The following ZRANB3 variants were observed in gnomAD, a reference collection of about 807,000 sequenced individuals.
The protein encoded by ZRANB3 is DNA annealing helicase and endonuclease ZRANB3.
A neutral mutation model predicts 133.8 loss-of-function variants in ZRANB3; 125 were observed. The ratio of observed to expected loss-of-function variants is 0.93; its 90% CI spans 0.81 to 1.08. The LOEUF (loss-of-function observed/expected upper bound fraction) is 1.08. Ranked by LOEUF, ZRANB3 falls within the 50% of genes least tolerant of loss-of-function variation. The pLI, the probability that ZRANB3 is intolerant of heterozygous loss-of-function variation, is 0.00. For synonymous variants in ZRANB3, 387 were observed against 432.7 expected, an observed-to-expected ratio of 0.89 and a Z score of 1.31; for missense variants, 1,229 against 1,275.5, an observed-to-expected ratio of 0.96 and a Z score of 0.56.
chr2:135,290,225 T>C (rs889572162), intron 8 of ZRANB3, among the ~76,000 whole-genome samples: 4 of 152,222 alleles, frequency 2.6e-5, no homozygotes, highest in Admixed American at 2.0e-4. Context: ...TGTTGTGGTC[T>C]ATCTAACTTC....
At chr2:135,464,519 T>G (rs143961072) in intron 2 of ZRANB3, among the ~76,000 whole-genome samples, 2 of 152,278 alleles carry the variant, frequency 1.3e-5, no homozygotes, top group Admixed American at 1.3e-4. Context: ...ACAAAAAACC[T>G]TTAAAAAGTG....
intron 8 of ZRANB3, 110 bp from the exon 9 acceptor site, chr2:135,275,865 T>C: frequency 1.2e-6 from 1 of 837,440 alleles, no homozygotes. Context: ...AATATGAACT[T>C]TTAGCTGCAT....
rs546120774 is a variant in ZRANB3, at chr2:135,432,824, G to A, written c.162-42004C>T. On this transcript the variant is annotated intron_variant, in intron 2 of 20. Transcript: ENST00000264159. Reference sequence around the variant, plus strand: ...AGTTGAAGGGCTGTCTTAAATAGGAGGCCAATACTCTTCAGAGGCTAGCAG... The same window carrying A: ...AGTTGAAGGGCTGTCTTAAATAGGAAGCCAATACTCTTCAGAGGCTAGCAG... Among the ~76,000 whole-genome samples, 33 of 152,276 alleles carry A rather than the reference G, an allele frequency of 2.2e-4. No individual in the cohort carries two copies. The South Asian group carries it at 5.8e-3, about 27-fold the overall frequency.
chr2:135,236,581 CA>C, intron 12 of ZRANB3, among the ~76,000 whole-genome samples: 1 of 152,196 alleles, frequency 6.6e-6, no homozygotes, highest in Non-Finnish European at 1.5e-5. Context: ...GTACTGGTAC[CA>C]AAACAGAGAT....
rs1356624087 is a variant in ZRANB3 at position 135,313,595 on chromosome 2, G to T, written c.860C>A (p.Thr287Asn). ...TATTTTTTCCCACTCTTCAAAGCTG[G>T]TATTCAATTCCTATGTGGGAAAAAA... ...LPSAAAKELNTSFEEWEKIMR... is the reference protein window; with the variant it reads ...LPSAAAKELNNSFEEWEKIMR... The change falls in exon 8 of 21, where the codon ACC (threonine) becomes AAC (asparagine). Residue 287 changes from threonine (T) to asparagine (N), a missense_variant. Thr to Asn is a moderately conservative substitution (Grantham distance 65). Coordinates refer to ENST00000264159, the MANE Select transcript of ZRANB3 (RefSeq NM_032143.4). The T allele has an allele frequency of 1.2e-6, 2 of 1,610,284 alleles. No individual in the cohort carries two copies. The highest frequency in any genetic ancestry group is 1.7e-6 in the Non-Finnish European group (2 of 1,177,316).
Position 135,341,381 on chromosome 2 carries a change from A to G in ZRANB3, c.677+4169T>C, listed in dbSNP as rs987275128. ...TATCACTTCCCCAATCAATACTCTT[A>G]TAATTTCCTATCCTTGTGTTTACTT... On this transcript the variant is annotated intron_variant, in intron 6 of 20. Coordinates refer to ENST00000264159, the MANE Select transcript of ZRANB3 (RefSeq NM_032143.4). Among the ~76,000 whole-genome samples the G allele has an allele frequency of 4.0e-5, 6 of 149,608 alleles. No homozygotes were observed. In the South Asian group the frequency reaches 1.3e-3, roughly 33 times the overall value.
At chr2:135,208,123 C>A (rs1693955058) in intron 18 of ZRANB3, among the ~76,000 whole-genome samples, 4 of 152,170 alleles carry the variant, frequency 2.6e-5, no homozygotes, top group Admixed American at 2.6e-4. Flanking sequence ...TCTGGAGAAG[C>A]TGTTAGAAAA....
At chr2:135,415,251 G>A (rs571247093) in intron 2 of ZRANB3, among the ~76,000 whole-genome samples, 51 of 151,220 alleles carry the variant, frequency 3.4e-4, no homozygotes, top group African/African-American at 9.7e-4. Flanking sequence ...TCAAATAGAC[G>A]CAATAAAAAA....
intron 2 of ZRANB3, among the ~76,000 whole-genome samples, chr2:135,404,355 T>C (rs1348727811): frequency 2.0e-5 from 3 of 152,104 alleles, no homozygotes; most frequent in South Asian, 2.1e-4. Context: ...GTATCAGTGA[T>C]GGAAGATCAA....
In ZRANB3 at chr2:135,313,544, A is replaced by G. The variant is rs183638659; in HGVS notation, c.911T>C (p.Met304Thr). 4 of 1,613,876 alleles carry G rather than the reference A, an allele frequency of 2.5e-6. No individual in the cohort carries two copies. In the East Asian group the frequency reaches 8.9e-5, roughly 36 times the overall value. The change falls in exon 8 of 21, where the codon ATG becomes ACG. Residue 304 changes from methionine to threonine, a missense_variant. Met to Thr is a moderately conservative substitution (Grantham distance 81). Coordinates refer to ENST00000264159, the MANE Select transcript of ZRANB3 (RefSeq NM_032143.4). Reference protein sequence around the residue: ...KIMRTPNSGAMETVMGLITRM... With the variant: ...KIMRTPNSGATETVMGLITRM... ...AGTTATCAACCCCATGACTGTCTCCATGGCACCTGAATTTGGAGTTCTCAT... is the reference window on the plus strand; with the variant it reads ...AGTTATCAACCCCATGACTGTCTCCGTGGCACCTGAATTTGGAGTTCTCAT...
chr2:135,445,068 C>T (rs1689955793), intron 2 of ZRANB3, among the ~76,000 whole-genome samples: 1 of 151,968 alleles, frequency 6.6e-6, no homozygotes, highest in Non-Finnish European at 1.5e-5. Flanking sequence ...TGGAATTTTG[C>T]AGTAAAGAAG....
intron 2 of ZRANB3, among the ~76,000 whole-genome samples, chr2:135,463,587 T>A (rs1383387632): frequency 6.6e-6 from 1 of 152,034 alleles, no homozygotes; most frequent in Admixed American, 6.6e-5. Context: ...CCGGCTAATT[T>A]TTTGTTTATC....
intron 19 of ZRANB3, among the ~76,000 whole-genome samples, chr2:135,206,811 A>T (rs1693879801): frequency 6.6e-6 from 1 of 152,038 alleles, no homozygotes; most frequent in Non-Finnish European, 1.5e-5. Flanking sequence ...TTTACCTGTG[A>T]GAGATACAGA....
intron 2 of ZRANB3, among the ~76,000 whole-genome samples, chr2:135,499,089 T>G (rs559445342): frequency 2.6e-5 from 4 of 152,290 alleles, no homozygotes; most frequent in Non-Finnish European, 5.9e-5. Flanking sequence ...TAATAAAAAC[T>G]TGCTGGTTTT....
intron 2 of ZRANB3, among the ~76,000 whole-genome samples, chr2:135,402,574 C>A (rs1007598003): frequency 1.7e-4 from 25 of 151,072 alleles, no homozygotes; most frequent in Non-Finnish European, 3.5e-4. Flanking sequence ...GATTACAGGG[C>A]TTAGCCACTG....
chr2:135,390,049 T>C (rs1457746866), intron 3 of ZRANB3, among the ~76,000 whole-genome samples: 1 of 151,652 alleles, frequency 6.6e-6, no homozygotes, highest in Non-Finnish European at 1.5e-5. Flanking sequence ...CCCGGCTAAA[T>C]TTTTATATTT....
At chr2:135,280,014 A>G (rs1681023211) in intron 8 of ZRANB3, among the ~76,000 whole-genome samples, 1 of 152,222 alleles carries the variant, frequency 6.6e-6, no homozygotes, top group African/African-American at 2.4e-5. Flanking sequence ...CCTAATAAAA[A>G]CTATCACTGC....
At chr2:135,373,715 G>C (rs1425186109) in intron 3 of ZRANB3, among the ~76,000 whole-genome samples, 2 of 148,770 alleles carry the variant, frequency 1.3e-5, no homozygotes, top group African/African-American at 4.9e-5. Flanking sequence ...TTGAACACAG[G>C]AGACGGAGGT....
At chr2:135,323,410 A>C (rs989926228) in intron 6 of ZRANB3, among the ~76,000 whole-genome samples, 3 of 152,190 alleles carry the variant, frequency 2.0e-5, no homozygotes, top group African/African-American at 7.2e-5. Context: ...GGAGTGTGGA[A>C]GTTAGAGGAG....
Sources: gnomAD v4.1 joint callset for allele counts (sites outside exome capture counted in the v4.1 genomes callset) on GRCh38, gnomAD v4.1.1 for gene constraint, MANE v1.5 for transcripts, NCBI Gene and HGNC (gene_info 2026-07-23, HGNC 2026-07-21) for gene names.